Variants in GSE1 observed in about 807,000 individuals in gnomAD.
The protein encoded by GSE1 is genetic suppressor element 1.
A neutral mutation model predicts 112.6 loss-of-function variants in GSE1; 32 were observed. That is an observed-to-expected ratio of 0.28 (90% CI 0.21 to 0.38). GSE1 has a LOEUF of 0.38. Ranked by LOEUF, GSE1 falls within the 10% of genes least tolerant of loss-of-function variation. GSE1 has a pLI of 1.00. For missense variants in GSE1, 2,348 were observed against 1,699.2 expected (o/e 1.38, Z -6.71); for synonymous variants, 1,115 against 735.6 (o/e 1.52, Z -8.35).
intron 2 of GSE1, among the ~76,000 whole-genome samples, chr16:85,472,391 C>T (rs967559972): frequency 1.1e-4 from 16 of 152,172 alleles, no homozygotes; most frequent in South Asian, 1.0e-3. Context: ...GCCACACTGC[C>T]GTGGTCCCTG....
At chr16:85,519,828 A>C (rs1487558035) in intron 2 of GSE1, among the ~76,000 whole-genome samples, 1 of 152,214 alleles carries the variant, frequency 6.6e-6, no homozygotes, top group Non-Finnish European at 1.5e-5. Flanking sequence ...TTCATGGCTA[A>C]GGAGTCCAAG....
At chr16:85,230,966 TGGACGGAC>T (rs778291130) in intron 1 of GSE1, among the ~76,000 whole-genome samples, 1 of 150,876 alleles carries the variant, frequency 6.6e-6, no homozygotes, top group Non-Finnish European at 1.5e-5. Context: ...GATAGATGGA[TGGACGGAC>T]GGACGGATGG....
chr16:85,462,790 G>A (rs1376229085), intron 2 of GSE1, among the ~76,000 whole-genome samples: 2 of 143,066 alleles, frequency 1.4e-5, no homozygotes, highest in African/African-American at 5.0e-5. Context: ...ACGGCTGGCG[G>A]TGCGTGAAGC....
At chr16:85,457,073 G>A (rs1460464805) in intron 2 of GSE1, among the ~76,000 whole-genome samples, 1 of 152,204 alleles carries the variant, frequency 6.6e-6, no homozygotes, top group East Asian at 1.9e-4. Flanking sequence ...ATCACTGCCT[G>A]CTCGGGGTGG....
At chr16:85,499,793 C>T (rs918317454) in intron 2 of GSE1, among the ~76,000 whole-genome samples, 1 of 152,308 alleles carries the variant, frequency 6.6e-6, no homozygotes, top group Admixed American at 6.5e-5. Context: ...GCTAGGTCAG[C>T]CCCCAAACAT....
chr16:85,191,392 C>T (rs919075382), intron 1 of GSE1, among the ~76,000 whole-genome samples: 66 of 152,292 alleles, frequency 4.3e-4, no homozygotes, highest in Admixed American at 4.6e-4. Context: ...TAACCATCAC[C>T]GCTGTCTAAT....
intron 2 of GSE1, among the ~76,000 whole-genome samples, chr16:85,446,338 C>T (rs1366472075): frequency 6.6e-6 from 1 of 152,216 alleles, no homozygotes; most frequent in East Asian, 1.9e-4. Context: ...CTGCAATGCT[C>T]TCTGCCTCGG....
intron 1 of GSE1, among the ~76,000 whole-genome samples, chr16:85,180,262 C>A (rs1441260684): frequency 1.3e-5 from 2 of 152,240 alleles, no homozygotes; most frequent in African/African-American, 2.4e-5. Flanking sequence ...CCTGCCAAGC[C>A]AGGGCCCGGG....
intron 2 of GSE1, among the ~76,000 whole-genome samples, chr16:85,421,527 C>T (rs981875861): frequency 6.6e-6 from 1 of 152,234 alleles, no homozygotes; most frequent in South Asian, 2.1e-4. Flanking sequence ...CCAACTCCTT[C>T]ATGACTTGTT....
chr16:85,668,191 T>C lies in GSE1; in HGVS notation c.3182T>C (p.Val1061Ala). 1 of 1,609,850 alleles carries C rather than the reference T, an allele frequency of 6.2e-7. No individual in the cohort carries two copies. The highest frequency in any genetic ancestry group is 8.5e-7 in the Non-Finnish European group (1 of 1,176,548). ...AEQNHKVDTS[V>A]HYNIPELQSS... ...CAGAACCACAAGGTTGACACGTCCG[T>C]CCACTACAACATTCCTGAGCTGCAG... Residue 1061 changes from valine (V) to alanine (A), a missense_variant, in exon 14 of 16, where the codon GTC becomes GCC. Val to Ala is a moderately conservative substitution (Grantham distance 64). Coordinates refer to ENST00000253458, the MANE Select transcript of GSE1 (RefSeq NM_014615.5).
In GSE1 at chr16:85,508,322, C is replaced by T. The variant is rs560399468; in HGVS notation, c.2465-125592C>T. Among the ~76,000 whole-genome samples, 293 of 152,310 alleles carry T rather than the reference C, an allele frequency of 1.9e-3. 2 individuals carry two copies. The highest frequency in any genetic ancestry group is 6.8e-3 in the African/African-American group (284 of 41,560). ...GTGCTGGGATTACAGGCAGGAGCCA[C>T]CACGCCCGGCCTCCCTCACTTATTT... On this transcript the variant is annotated intron_variant, in intron 2 of 2. Transcript: ENST00000637419.
intron 1 of GSE1, among the ~76,000 whole-genome samples, chr16:85,178,884 A>C (rs907614010): frequency 2.3e-4 from 2 of 8,650 alleles, no homozygotes; most frequent in Admixed American, 1.1e-3. Flanking sequence ...GGGGGTGGGC[A>C]GGGAGGGATG....
intron 2 of GSE1, among the ~76,000 whole-genome samples, chr16:85,464,889 GCCCT>G (rs1321785109): frequency 3.3e-5 from 5 of 152,212 alleles, no homozygotes; most frequent in African/African-American, 1.2e-4. Flanking sequence ...GACAGAATGG[GCCCT>G]CCCTATGTCC....
intron 4 of GSE1, 96 bp downstream of exon 4, chr16:85,654,546 G>A: frequency 9.3e-7 from 1 of 1,072,584 alleles, no homozygotes; most frequent in Non-Finnish European, 1.4e-6. Flanking sequence ...GCACAGATGA[G>A]GCTGTGCCTG....
At chr16:85,668,445 A>C in intron 14 of GSE1, 21 bp downstream of exon 14, 27 of 956,682 alleles carry the variant, frequency 2.8e-5, no homozygotes, top group Non-Finnish European at 4.2e-5. Flanking sequence ...GCTGGGGAAG[A>C]GGGGGGAGGG....
chr16:85,178,266 G>A (rs547627396), intron 1 of GSE1, among the ~76,000 whole-genome samples: 6 of 152,160 alleles, frequency 3.9e-5, no homozygotes, highest in Non-Finnish European at 8.8e-5. Context: ...AGCCAAGTCC[G>A]TGTAGGGGCC....
chr16:85,211,299 GT>G (rs1048513670), intron 1 of GSE1, among the ~76,000 whole-genome samples: 64 of 144,082 alleles, frequency 4.4e-4, no homozygotes, highest in Admixed American at 1.0e-3. Flanking sequence ...CAGGCTTGTG[GT>G]TTTTTTTTTT....
At chr16:85,509,632 C>T (rs933150606) in intron 2 of GSE1, among the ~76,000 whole-genome samples, 1 of 152,244 alleles carries the variant, frequency 6.6e-6, no homozygotes, top group African/African-American at 2.4e-5. Flanking sequence ...GAGGCTCCAT[C>T]TGAGGATGTA....
chr16:85,426,904 G>C (rs1219643662), intron 2 of GSE1, among the ~76,000 whole-genome samples: 1 of 152,200 alleles, frequency 6.6e-6, no homozygotes, highest in Non-Finnish European at 1.5e-5. Flanking sequence ...TCTGGTGAGG[G>C]TAGAACAGAA....
Sources: allele counts gnomAD v4.1 joint callset (sites outside exome capture counted in the v4.1 genomes callset), GRCh38; gene constraint gnomAD v4.1.1; transcripts MANE v1.5; gene names NCBI Gene and HGNC (gene_info 2026-07-23, HGNC 2026-07-21).